Variants in CEP131 observed in about 807,000 individuals in gnomAD.
The protein encoded by CEP131 is centrosomal protein of 131 kDa.
In CEP131, 99 loss-of-function variants were observed where a neutral mutation model predicts 136.8. The observed-to-expected ratio is 0.72, with a 90% CI of 0.62 to 0.86. CEP131 has a LOEUF of 0.86. CEP131 is among the 40% of genes least tolerant of loss of function. The pLI is 0.00. For synonymous variants in CEP131, 646 were observed against 612.7 expected, an observed-to-expected ratio of 1.05 and a Z score of -0.80; for missense variants, 1,459 against 1,463.0, an observed-to-expected ratio of 1.00 and a Z score of 0.04.
chr17:81,202,793 T>C (rs1049543673), intron 6 of CEP131, among the ~76,000 whole-genome samples: 2 of 151,826 alleles, frequency 1.3e-5, no homozygotes, highest in Non-Finnish European at 2.9e-5. Flanking sequence ...GAAACCCCAT[T>C]TCTACTAAAA....
chr17:81,190,898 C>G lies in CEP131; in HGVS notation c.2943+9G>C. On this transcript the variant is annotated intron_variant, in intron 23 of 25. Transcript: ENST00000450824. ...GTGCCCACTGCCCACCTGACACCCG[C>G]CCACTCACCGCCTGCGCATCCTCCA... 1.3e-6 allele frequency: 2 copies of G among 1,599,716 alleles called. No homozygotes were observed. The highest frequency in any genetic ancestry group is 1.7e-6 in the Non-Finnish European group (2 of 1,174,990).
chr17:81,199,651 C>G, intron 9 of CEP131, 68 bp downstream of exon 9: 1 of 1,598,158 alleles, frequency 6.3e-7, no homozygotes. Context: ...CCAGGGAGCC[C>G]CAGCAGCAGC....
chr17:81,200,548 G>A lies in CEP131; in HGVS notation c.789-102C>T, dbSNP rs3803765. 825 of 867,858 alleles carry A rather than the reference G, an allele frequency of 9.5e-4. 4 individuals are homozygous for A. The East Asian group carries it at 0.02, about 21-fold the overall frequency. The allele number at this position is 867,858 out of a possible 1,614,324, so 53.8% of individuals were successfully genotyped here. A position where few individuals can be genotyped will look rare whatever the true frequency, so the allele number is the denominator to read the frequency against. ...CGAGCCGGGGAAGAGAGAAGCCGGCGGCTGCACTCAAGTAGCCCTTTTCAC... is the reference window on the plus strand; with the variant it reads ...CGAGCCGGGGAAGAGAGAAGCCGGCAGCTGCACTCAAGTAGCCCTTTTCAC... On this transcript the variant is annotated intron_variant, in intron 7 of 25. Transcript: ENST00000450824.
At position 81,196,997 on chromosome 17, in the gene CEP131, G is replaced by C; in HGVS notation, c.1706C>G (p.Ser569Cys). The change falls in exon 14 of 26, where the codon TCT becomes TGT. Residue 569 changes from serine to cysteine, a missense_variant. Ser to Cys is a moderately radical substitution (Grantham distance 112). This residue lies in a region of CEP131 where 1,026 missense variants were observed against 964.2 expected (regional missense o/e 1.06). Transcript: ENST00000450824. ...CACCTCCAGCTTCAGCCGCATCACA[G>C]ACGTGCTCACCTCGGACCCCAGCTC... ...PLELGSEVST[S>C]VMRLKLEVEE... is the part of the protein sequence containing the mutation. 6.2e-7 allele frequency: 1 copy of C among 1,603,014 alleles called. No homozygotes were observed. Among genetic ancestry groups the C allele is most frequent in the South Asian group, 1.1e-5 (1 of 89,226 alleles).
intron 4 of CEP131, 84 bp downstream of exon 4, chr17:81,207,041 T>G: frequency 1.3e-6 from 2 of 1,537,232 alleles, no homozygotes; most frequent in Admixed American, 3.9e-5. Context: ...AGTGCCCTTT[T>G]GCAAAGGCAG....
chr17:81,190,710 C>T lies in CEP131; in HGVS notation c.3036G>A (p.Thr1012=), dbSNP rs1229930947. ...EDRLAASEEE[T]RQAKAELATL... is the part of the protein sequence containing the mutation. ...TGGCCAGCTCGGCCTTGGCCTGCCG[C>T]GTCTCCTCCTCAGAGGCTGCCAGCC... Residue 1012 remains threonine (T), a synonymous_variant, in exon 24 of 26, where the codon ACG becomes ACA. Coordinates refer to ENST00000450824, the MANE Select transcript of CEP131 (RefSeq NM_014984.4). 14 of 1,609,304 alleles carry T rather than the reference C, an allele frequency of 8.7e-6. No individual in the cohort carries two copies. Among genetic ancestry groups the T allele is most frequent in the South Asian group, 4.4e-5 (4 of 90,720 alleles).
intron 2 of CEP131, among the ~76,000 whole-genome samples, chr17:81,214,596 T>C (rs563286490): frequency 5.9e-5 from 9 of 151,932 alleles, no homozygotes; most frequent in South Asian, 2.1e-4. Context: ...AAGTAAAAAG[T>C]AAACTAAAAG....
At position 81,203,541 on chromosome 17, in the gene CEP131, C is replaced by T; in HGVS notation, c.582G>A (p.Glu194=). 6.2e-7 allele frequency: 1 copy of T among 1,609,076 alleles called. No homozygotes were observed. Among genetic ancestry groups the T allele is most frequent in the Non-Finnish European group, 8.5e-7 (1 of 1,178,440 alleles). Residue 194 remains glutamate, a synonymous_variant, in exon 6 of 26, where the codon GAG becomes GAA. Coordinates refer to ENST00000450824, the MANE Select transcript of CEP131 (RefSeq NM_014984.4). This position sits in a 1 kb window ranked among gnomAD's most constrained non-coding sequence, Gnocchi z 4.6. ...TMVHNRYTPS[E]RAPPLKSSNQ... ...TGGAGCTCTTGAGCGGAGGCGCCCT[C>T]TCCGAGGGGGTGTAGCGGTTGTGCA... is the stretch of plus-strand genomic sequence containing the variant.
At position 81,202,908 on chromosome 17, in the gene CEP131, A is replaced by G. The variant is rs112707110; in HGVS notation, c.630-510T>C. Among the ~76,000 whole-genome samples the G allele has an allele frequency of 9.2e-3, 1,396 of 151,976 alleles. 20 individuals carry two copies. The highest frequency in any genetic ancestry group is 0.031 in the South Asian group (150 of 4,802). ...GAACCTGGGAGGCAGAGGTTGCAGT[A>G]AGCCGAGATCATGCCACTGCACTCC... On this transcript the variant is annotated intron_variant, in intron 6 of 25. Coordinates refer to ENST00000450824, the MANE Select transcript of CEP131 (RefSeq NM_014984.4).
At chr17:81,190,408 G>A (rs556374814) in intron 24 of CEP131, among the ~76,000 whole-genome samples, 113 of 152,300 alleles carry the variant, frequency 7.4e-4, no homozygotes, top group African/African-American at 2.7e-3. Context: ...CGACCCACTC[G>A]GGTGCCCCAA....
intron 13 of CEP131, 150 bp downstream of exon 13, chr17:81,197,562 G>T: frequency 1.6e-6 from 2 of 1,212,622 alleles, no homozygotes; most frequent in East Asian, 2.6e-5. Context: ...ACCACCTCCT[G>T]CTGGGGGCCG....
At chr17:81,209,387 G>A (rs1333803005) in intron 2 of CEP131, among the ~76,000 whole-genome samples, 3 of 152,208 alleles carry the variant, frequency 2.0e-5, no homozygotes, top group African/African-American at 7.2e-5. Flanking sequence ...TCACCCCGCG[G>A]TCTCCTCCGT....
chr17:81,203,875 G>C lies in CEP131; in HGVS notation c.516-268C>G, dbSNP rs539631938. ...CATGAACGCTGGACGTGCCCAAGAC[G>C]GGGGGAGCAGCTCAGGCCAGCAGCT... On this transcript the variant is annotated intron_variant, in intron 5 of 25. Coordinates refer to ENST00000450824, the MANE Select transcript of CEP131 (RefSeq NM_014984.4). The surrounding 1 kb of genome is among the most constrained non-coding windows in gnomAD (Gnocchi z 4.6). The C allele has an allele frequency of 2.5e-5, 11 of 440,004 alleles. No individual in the cohort carries two copies. Among genetic ancestry groups the C allele is most frequent in the Admixed American group, 2.4e-4 (6 of 25,494 alleles). The allele number at this position is 440,004 out of a possible 1,614,324, so 27.3% of individuals were successfully genotyped here. A position where few individuals can be genotyped will look rare whatever the true frequency, so the allele number is the denominator to read the frequency against.
At chr17:81,205,440 G>A (rs2061985930) in intron 5 of CEP131, among the ~76,000 whole-genome samples, 1 of 69,906 alleles carries the variant, frequency 1.4e-5, no homozygotes, top group Admixed American at 1.3e-4. Context: ...GATGGGGGTA[G>A]GAGGGGTGGG....
intron 24 of CEP131, 49 bp downstream of exon 24, chr17:81,190,590 G>A (rs112626893): frequency 0.062 from 91,675 of 1,482,566 alleles, 3,851 homozygotes; most frequent in African/African-American, 0.19. Context: ...GGTCCTGCCC[G>A]CTCCCCTGCC....
chr17:81,192,178 C>T (rs117905054), intron 21 of CEP131, 140 bp downstream of exon 21: 8,015 of 748,032 alleles, frequency 0.011, 82 homozygotes, highest in Middle Eastern at 0.029. Flanking sequence ...AGACAACAAC[C>T]CCAAGCAGCC....
At chr17:81,220,232 C>T (rs2062356897) in intron 1 of CEP131, among the ~76,000 whole-genome samples, 159 bp from the exon 2 acceptor site, 1 of 152,228 alleles carries the variant, frequency 6.6e-6, no homozygotes, top group Admixed American at 6.5e-5. Context: ...TGGCAGGCTC[C>T]TCGACAGGAA....
chr17:81,193,330 G>C (rs2061684750), intron 18 of CEP131, among the ~76,000 whole-genome samples: 1 of 152,214 alleles, frequency 6.6e-6, no homozygotes, highest in Admixed American at 6.5e-5. Context: ...GACCAGCCAA[G>C]CTGCATCTGG....
At chr17:81,206,982 G>C in intron 4 of CEP131, 111 bp from the exon 5 acceptor site, 2 of 1,533,016 alleles carry the variant, frequency 1.3e-6, no homozygotes, top group Non-Finnish European at 8.7e-7. Context: ...CAGACAGGTG[G>C]ATGTCCTGGG....
Sources: allele counts gnomAD v4.1 joint callset (sites outside exome capture counted in the v4.1 genomes callset), GRCh38; gene constraint gnomAD v4.1.1; regional missense constraint gnomAD v4.1.1; non-coding constraint Gnocchi (gnomAD v3.1); transcripts MANE v1.5; gene names NCBI Gene and HGNC (gene_info 2026-07-23, HGNC 2026-07-21).